Variants in AGBL3 observed in about 807,000 individuals in gnomAD.
AGBL3 encodes the protein AGBL carboxypeptidase 3.
In AGBL3, 68 loss-of-function variants were observed where a neutral mutation model predicts 94.5. The ratio of observed to expected loss-of-function variants is 0.72; its 90% CI spans 0.59 to 0.88. The LOEUF (loss-of-function observed/expected upper bound fraction) is 0.88, where lower values mean the gene tolerates loss of function less well. Ranked by LOEUF, AGBL3 falls within the 40% of genes least tolerant of loss-of-function variation. The pLI, the probability that AGBL3 is intolerant of heterozygous loss-of-function variation, is 0.00. For missense variants in AGBL3, 934 were observed against 1,103.8 expected (o/e 0.85, Z 2.18); for synonymous variants, 354 against 370.7 (o/e 0.95, Z 0.52).
intron 4 of AGBL3, among the ~76,000 whole-genome samples, chr7:135,001,693 C>G (rs4404846): frequency 0.93 from 141,672 of 152,180 alleles, 66,721 homozygotes; most frequent in Non-Finnish European, 1. Flanking sequence ...TATTTTAGCT[C>G]TCAGTTTTTT....
At chr7:135,125,976 A>G (rs1327774817) in intron 16 of AGBL3, among the ~76,000 whole-genome samples, 1 of 152,184 alleles carries the variant, frequency 6.6e-6, no homozygotes, top group Non-Finnish European at 1.5e-5. Flanking sequence ...CCCTTTGAAA[A>G]CCAGTACAAG....
intron 8 of AGBL3, among the ~76,000 whole-genome samples, chr7:135,040,188 C>T (rs530889999): frequency 6.6e-6 from 1 of 152,238 alleles, no homozygotes; most frequent in South Asian, 2.1e-4. Context: ...TCCTGAAAAG[C>T]ATTTCAAAAA....
chr7:135,041,417 A>C (rs887308680), intron 8 of AGBL3, among the ~76,000 whole-genome samples: 1 of 152,224 alleles, frequency 6.6e-6, no homozygotes, highest in Non-Finnish European at 1.5e-5. Flanking sequence ...GTAAACACCA[A>C]AAGCAGTGGT....
chr7:135,014,998 A>G (rs1398956842), intron 4 of AGBL3, among the ~76,000 whole-genome samples: 1 of 152,228 alleles, frequency 6.6e-6, no homozygotes, highest in East Asian at 1.9e-4. Flanking sequence ...TAGTTTTTTG[A>G]ACAGCAGACA....
rs1203799677 is a variant in AGBL3 at position 135,076,276 on chromosome 7, G to A, written c.1909-121G>A. On this transcript the variant is annotated intron_variant, in intron 12 of 16. Transcript: ENST00000436302. ...CCCAGAATTTTTGGTTGTACTTAGTGGGAGGAATAAAGTACTTCTCATCTT... is the reference window on the plus strand; with the variant it reads ...CCCAGAATTTTTGGTTGTACTTAGTAGGAGGAATAAAGTACTTCTCATCTT... 5 of 765,504 alleles carry A rather than the reference G, an allele frequency of 6.5e-6. No homozygotes were observed. The African/African-American group carries it at 7.2e-5, about 11-fold the overall frequency. 47.4% of individuals were successfully genotyped at this position (765,504 alleles called of 1,614,324 possible).
rs562724253 is a variant in AGBL3 at position 135,037,332 on chromosome 7, G to A, written c.1338-86G>A. The A allele has an allele frequency of 8.1e-6, 9 of 1,114,536 alleles. No individual in the cohort carries two copies. In the African/African-American group the frequency reaches 1.5e-4, roughly 18 times the overall value. The allele number at this position is 1,114,536 out of a possible 1,614,324, so 69.0% of individuals were successfully genotyped here. On this transcript the variant is annotated intron_variant, in intron 7 of 16. Coordinates refer to ENST00000436302, the MANE Select transcript of AGBL3 (RefSeq NM_178563.4). ...AGGATATAAGAAATTGTATTTATTT[G>A]GATATTACACTTATAAATCCATAGT... is the stretch of plus-strand genomic sequence containing the variant.
chr7:135,105,838 C>T (rs1585146331), intron 15 of AGBL3, among the ~76,000 whole-genome samples: 1 of 152,128 alleles, frequency 6.6e-6, no homozygotes, highest in Non-Finnish European at 1.5e-5. Context: ...ACAATATGAC[C>T]ATTTTAATGA....
chr7:135,053,427 G>T (rs567693467), intron 11 of AGBL3, among the ~76,000 whole-genome samples: 11 of 152,206 alleles, frequency 7.2e-5, no homozygotes, highest in African/African-American at 2.4e-4. Context: ...GACCAACATG[G>T]ATAAACCCCA....
At chr7:135,035,887 T>G (rs960007276) in intron 7 of AGBL3, among the ~76,000 whole-genome samples, 15 of 152,128 alleles carry the variant, frequency 9.9e-5, no homozygotes, top group Non-Finnish European at 7.4e-5. Context: ...TCTAGTTAGT[T>G]TTCTAGAAAC....
At chr7:135,103,663 G>A (rs772634923) in intron 15 of AGBL3, among the ~76,000 whole-genome samples, 1 of 152,106 alleles carries the variant, frequency 6.6e-6, no homozygotes, top group South Asian at 2.1e-4. Context: ...ACTGAGAGGG[G>A]AATAATAGAT....
At chr7:135,001,473 C>A (rs956597571) in intron 4 of AGBL3, among the ~76,000 whole-genome samples, 1 of 152,098 alleles carries the variant, frequency 6.6e-6, no homozygotes, top group African/African-American at 2.4e-5. Flanking sequence ...TCCTTTTTGC[C>A]TTTCAGCTTT....
chr7:135,003,444 C>T (rs1811976886), intron 4 of AGBL3, among the ~76,000 whole-genome samples: 1 of 151,898 alleles, frequency 6.6e-6, no homozygotes, highest in African/African-American at 2.4e-5. Flanking sequence ...TTTCTGGCTA[C>T]GTTTGCCTTA....
chr7:135,070,155 C>T (rs540954917), intron 12 of AGBL3, among the ~76,000 whole-genome samples: 2 of 152,160 alleles, frequency 1.3e-5, no homozygotes, highest in African/African-American at 4.8e-5. Flanking sequence ...GACACATACA[C>T]CCTCCCAAGA....
intron 4 of AGBL3, among the ~76,000 whole-genome samples, chr7:135,007,380 G>C (rs1584803102): frequency 6.6e-6 from 1 of 151,854 alleles, no homozygotes; most frequent in East Asian, 1.9e-4. Context: ...TTTGTTCCCT[G>C]TACCCAAAAA....
At chr7:135,043,916 A>C in intron 8 of AGBL3, 109 bp from the exon 9 acceptor site, 2 of 1,348,390 alleles carry the variant, frequency 1.5e-6, no homozygotes, top group Non-Finnish European at 1.9e-6. Flanking sequence ...CTGAAGCTTT[A>C]GTGAGAATTA....
chr7:135,134,545 GAT>G (rs1290059815), intron 16 of AGBL3, among the ~76,000 whole-genome samples: 21 of 151,924 alleles, frequency 1.4e-4, no homozygotes, highest in Non-Finnish European at 2.9e-5. Flanking sequence ...ACTTTAACTA[GAT>G]ATATAGGTAA....
At chr7:135,043,239 C>T (rs898923473) in intron 8 of AGBL3, among the ~76,000 whole-genome samples, 5 of 152,116 alleles carry the variant, frequency 3.3e-5, no homozygotes, top group Non-Finnish European at 7.4e-5. Flanking sequence ...AAATGTGGTA[C>T]ATATACAGAA....
intron 15 of AGBL3, among the ~76,000 whole-genome samples, chr7:135,105,070 G>T (rs1343506399): frequency 1.6e-5 from 2 of 127,076 alleles, no homozygotes; most frequent in Admixed American, 8.6e-5. Flanking sequence ...TTACATTCAA[G>T]TTTTTTTTTT....
chr7:135,094,266 A>G (rs2116939961), intron 15 of AGBL3: 1 of 401,432 alleles, frequency 2.5e-6, no homozygotes, highest in East Asian at 7.2e-5. Context: ...TGAACAAACT[A>G]AAAATCAGCA....
Sources: gnomAD v4.1 joint callset for allele counts (sites outside exome capture counted in the v4.1 genomes callset) on GRCh38, gnomAD v4.1.1 for gene constraint, MANE v1.5 for transcripts, NCBI Gene and HGNC (gene_info 2026-07-23, HGNC 2026-07-21) for gene names.